GALR1: variants seen among roughly 807,000 people sequenced by gnomAD.
GALR1 encodes galanin receptor 1.
Under a neutral mutation model 17.9 loss-of-function variants are expected in GALR1, and 11 were observed. The observed-to-expected ratio is 0.62, with a 90% CI of 0.39 to 1.02. The LOEUF (loss-of-function observed/expected upper bound fraction) is 1.02, where lower values mean the gene tolerates loss of function less well. Among genes scored for constraint, GALR1 ranks in the 50% least tolerant of loss-of-function variants. The pLI is 0.01. For synonymous variants in GALR1, 206 were observed against 205.7 expected, an observed-to-expected ratio of 1.00 and a Z score of -0.01; for missense variants, 441 against 456.9, an observed-to-expected ratio of 0.97 and a Z score of 0.32.
At position 77,250,984 on chromosome 18, in the gene GALR1, C is replaced by T. The variant is rs1241994306; in HGVS notation, c.436C>T (p.Leu146Phe). ...CGTGCACTCGCGGCGCTCCTCCTCC[C>T]TCAGGGTGTCCCGCAACGCGCTGCT... ...AIVHSRRSSS[L>F]RVSRNALLGV... is the part of the protein sequence containing the mutation. The change falls in exon 1 of 3, where the codon CTC becomes TTC. Residue 146 changes from leucine to phenylalanine, a missense_variant. By Grantham distance (22) the Leu-to-Phe change is conservative. Coordinates refer to ENST00000299727, the MANE Select transcript of GALR1 (RefSeq NM_001480.4). 4 of 1,604,282 alleles carry T rather than the reference C, an allele frequency of 2.5e-6. No individual in the cohort carries two copies. Among genetic ancestry groups the T allele is most frequent in the Middle Eastern group, 1.6e-4 (1 of 6,084 alleles).
chr18:77,254,212 C>T (rs1035641226), intron 1 of GALR1, among the ~76,000 whole-genome samples: 10 of 152,236 alleles, frequency 6.6e-5, no homozygotes, highest in African/African-American at 1.4e-4. Context: ...TTATCACTCT[C>T]TTCTTAAACG....
At position 77,268,930 on chromosome 18, in the gene GALR1, G is replaced by A. The variant is rs1913005110; in HGVS notation, c.*28G>A. The A allele has an allele frequency of 6.5e-7, 1 of 1,537,066 alleles. No homozygotes were observed. The highest frequency in any genetic ancestry group is 9.0e-7 in the Non-Finnish European group (1 of 1,117,248). On this transcript the variant is annotated 3_prime_UTR_variant, in exon 3 of 3. Transcript: ENST00000299727. Reference sequence around the variant, plus strand: ...AAAGATAGAGTATCCTTATGGTTGAGTTTCCATATAAGTGGACCAGACACA... The same window carrying A: ...AAAGATAGAGTATCCTTATGGTTGAATTTCCATATAAGTGGACCAGACACA...
At position 77,268,825 on chromosome 18, in the gene GALR1, G is replaced by T; in HGVS notation, c.973G>T (p.Asp325Tyr). The change falls in exon 3 of 3, where the codon GAT becomes TAT. Residue 325 changes from aspartate to tyrosine, a missense_variant. Asp to Tyr is a radical substitution (Grantham distance 160). Coordinates refer to ENST00000299727, the MANE Select transcript of GALR1 (RefSeq NM_001480.4). ...AGTGTTCAAGTGTCACATTCGCAAA[G>T]ATTCACACCTGAGTGATACTAAAGA... ...KQVFKCHIRK[D>Y]SHLSDTKESK... 6.2e-7 allele frequency: 1 copy of T among 1,613,982 alleles called. No individual in the cohort carries two copies. The highest frequency in any genetic ancestry group is 8.5e-7 in the Non-Finnish European group (1 of 1,179,882).
At position 77,270,242 on chromosome 18, in the gene GALR1, G is replaced by A. The variant is rs947947005; in HGVS notation, c.*1340G>A. On this transcript the variant is annotated 3_prime_UTR_variant, in exon 3 of 3. Transcript: ENST00000299727. ...GTTAAAAAGGATTTGGCCAAGCACA[G>A]TGGCTCATGCCTGTAATTCCAGCAC... The A allele has an allele frequency of 8.5e-5, 13 of 152,182 alleles. No homozygotes were observed. The highest frequency in any genetic ancestry group is 2.4e-4 in the African/African-American group (10 of 41,446). The allele number at this position is 152,182 out of a possible 1,614,324, so 9.4% of individuals were successfully genotyped here.
chr18:77,270,841 T>C lies in GALR1; in HGVS notation c.*1939T>C, dbSNP rs1409411792. On this transcript the variant is annotated 3_prime_UTR_variant, in exon 3 of 3. Coordinates refer to ENST00000299727, the MANE Select transcript of GALR1 (RefSeq NM_001480.4). ...GTGTAAGTGAGGGTCTTAAAGAATA[T>C]GTCCTTTGCATCGAATGTTTTTTGC... 6.6e-6 allele frequency: 1 copy of C among 152,204 alleles called. No individual in the cohort carries two copies. The highest frequency in any genetic ancestry group is 2.4e-5 in the African/African-American group (1 of 41,460). The allele number at this position is 152,204 out of a possible 1,614,324, so 9.4% of individuals were successfully genotyped here. A position where few individuals can be genotyped will look rare whatever the true frequency, so the allele number is the denominator to read the frequency against.
At chr18:77,256,265 C>T (rs1912586000) in intron 2 of GALR1, 42 bp downstream of exon 2, 1 of 1,113,210 alleles carries the variant, frequency 9.0e-7, no homozygotes, top group Admixed American at 1.9e-5. Context: ...CTTTTCAGAG[C>T]TTAGTTTACC....
At chr18:77,254,658 C>T (rs953951848) in intron 1 of GALR1, among the ~76,000 whole-genome samples, 2 of 152,228 alleles carry the variant, frequency 1.3e-5, no homozygotes, top group Admixed American at 6.5e-5. Flanking sequence ...AGGGTCCTGC[C>T]TCCTCCAGCC....
intron 2 of GALR1, among the ~76,000 whole-genome samples, chr18:77,259,599 T>C (rs1912780836): frequency 6.6e-6 from 1 of 150,494 alleles, no homozygotes; most frequent in African/African-American, 2.5e-5. Flanking sequence ...GTGGCGATTG[T>C]GATGGTGATG....
Position 77,256,220 on chromosome 18 carries a change from A to G in GALR1, c.729A>G (p.Lys243=), listed in dbSNP as rs1457240464. The G allele has an allele frequency of 1.9e-6, 3 of 1,544,110 alleles. No individual in the cohort carries two copies. Among genetic ancestry groups the G allele is most frequent in the Admixed American group, 3.4e-5 (2 of 59,642 alleles). Residue 243 remains lysine (K), a synonymous_variant, in exon 2 of 3, where the codon AAA becomes AAG. Transcript: ENST00000299727. ...CAAAGAAGTCTGAAGCATCCAAGAAAAAGGTAATGATCACAAATATATATA... is the reference window on the plus strand; with the variant it reads ...CAAAGAAGTCTGAAGCATCCAAGAAGAAGGTAATGATCACAAATATATATA... ...NMSKKSEASK[K]KTAQTVLVVV...
At chr18:77,252,977 C>T (rs1568139208) in intron 1 of GALR1, among the ~76,000 whole-genome samples, 7 of 53,948 alleles carry the variant, frequency 1.3e-4, no homozygotes, top group East Asian at 4.5e-4. Flanking sequence ...ACCATCACCA[C>T]CATCACCACC....
At chr18:77,252,911 C>CCACCAT (rs1912472003) in intron 1 of GALR1, among the ~76,000 whole-genome samples, 1 of 44,928 alleles carries the variant, frequency 2.2e-5, no homozygotes, top group African/African-American at 7.8e-5. Flanking sequence ...ACCACCACCA[C>CCACCAT]CACCACCACC....
rs549038500 is a variant in GALR1, at chr18:77,274,726, A to G, written c.*5824A>G. On this transcript the variant is annotated 3_prime_UTR_variant, in exon 3 of 3. Transcript: ENST00000299727. ...GATTCTTACCTCCATTGGCCTTTGG[A>G]TGTCTGCGTAATAATTTGTTGAGAA... 6.6e-6 allele frequency: 1 copy of G among 152,154 alleles called. No individual in the cohort carries two copies. The highest frequency in any genetic ancestry group is 1.5e-5 in the Non-Finnish European group (1 of 68,026). 9.4% of individuals were successfully genotyped at this position (152,154 alleles called of 1,614,324 possible).
At position 77,270,833 on chromosome 18, in the gene GALR1, A is replaced by G. The variant is rs1318022642; in HGVS notation, c.*1931A>G. 1 of 152,188 alleles carries G rather than the reference A, an allele frequency of 6.6e-6. No individual in the cohort carries two copies. The highest frequency in any genetic ancestry group is 1.5e-5 in the Non-Finnish European group (1 of 68,038). 9.4% of individuals were successfully genotyped at this position (152,188 alleles called of 1,614,324 possible). A position where few individuals can be genotyped will look rare whatever the true frequency, so the allele number is the denominator to read the frequency against. On this transcript the variant is annotated 3_prime_UTR_variant, in exon 3 of 3. Coordinates refer to ENST00000299727, the MANE Select transcript of GALR1 (RefSeq NM_001480.4). ...GTGTTTATGTGTAAGTGAGGGTCTT[A>G]AAGAATATGTCCTTTGCATCGAATG...
At chr18:77,256,408 C>T (rs2717163) in intron 2 of GALR1, among the ~76,000 whole-genome samples, 185 bp downstream of exon 2, 17,237 of 151,926 alleles carry the variant, frequency 0.11, 2,148 homozygotes, top group African/African-American at 0.3. Context: ...GCAAGGGCAC[C>T]GTGGGTCACT....
rs1345948216 is a variant in GALR1, at chr18:77,276,085, G to A, written c.*7183G>A. On this transcript the variant is annotated 3_prime_UTR_variant, in exon 3 of 3. Coordinates refer to ENST00000299727, the MANE Select transcript of GALR1 (RefSeq NM_001480.4). Reference sequence around the variant, plus strand: ...ATATTTATAAGCCAGAAATGGTTGTGTAAATGTTAGTTTTCATATTTTGGT... The same window carrying A: ...ATATTTATAAGCCAGAAATGGTTGTATAAATGTTAGTTTTCATATTTTGGT... The A allele has an allele frequency of 1.3e-5, 2 of 152,166 alleles. No individual in the cohort carries two copies. The highest frequency in any genetic ancestry group is 2.4e-5 in the African/African-American group (1 of 41,424). The allele number at this position is 152,166 out of a possible 1,614,324, so 9.4% of individuals were successfully genotyped here.
chr18:77,257,321 A>G (rs34301566), intron 2 of GALR1, among the ~76,000 whole-genome samples: 6,379 of 152,304 alleles, frequency 0.042, 175 homozygotes, highest in Middle Eastern at 0.12. Flanking sequence ...TAGAAATGCA[A>G]TCATACAGTG....
chr18:77,276,952 A>G lies in GALR1; in HGVS notation c.*8050A>G, dbSNP rs1913169907. 6.6e-6 allele frequency: 1 copy of G among 152,202 alleles called. No homozygotes were observed. Among genetic ancestry groups the G allele is most frequent in the Non-Finnish European group, 1.5e-5 (1 of 68,036 alleles). 9.4% of individuals were successfully genotyped at this position (152,202 alleles called of 1,614,324 possible). A position where few individuals can be genotyped will look rare whatever the true frequency, so the allele number is the denominator to read the frequency against. On this transcript the variant is annotated 3_prime_UTR_variant, in exon 3 of 3. Transcript: ENST00000299727. Reference sequence around the variant, plus strand: ...AATAAAATAAAATAGCTTGGTGGAAAAGAGCACCTATGCATTCAATTTGTT... The same window carrying G: ...AATAAAATAAAATAGCTTGGTGGAAGAGAGCACCTATGCATTCAATTTGTT...
intron 2 of GALR1, among the ~76,000 whole-genome samples, chr18:77,263,205 T>G (rs904103858): frequency 9.2e-5 from 14 of 152,238 alleles, no homozygotes; most frequent in Non-Finnish European, 1.6e-4. Context: ...TAGATTGTTT[T>G]GATTAAATCA....
Position 77,276,212 on chromosome 18 carries a change from C to G in GALR1, c.*7310C>G, listed in dbSNP as rs1913155228. The G allele has an allele frequency of 6.6e-6, 1 of 152,134 alleles. No homozygotes were observed. The highest frequency in any genetic ancestry group is 1.5e-5 in the Non-Finnish European group (1 of 68,022). 9.4% of individuals were successfully genotyped at this position (152,134 alleles called of 1,614,324 possible). A position where few individuals can be genotyped will look rare whatever the true frequency, so the allele number is the denominator to read the frequency against. On this transcript the variant is annotated 3_prime_UTR_variant, in exon 3 of 3. Transcript: ENST00000299727. ...TACAATTGAACAAATCTTTTAATCT[C>G]TTCAGTTCTATCTGCCTAAGTGAGG...
Sources: gnomAD v4.1 joint callset for allele counts (sites outside exome capture counted in the v4.1 genomes callset) on GRCh38, gnomAD v4.1.1 for gene constraint, MANE v1.5 for transcripts, NCBI Gene and HGNC (gene_info 2026-07-23, HGNC 2026-07-21) for gene names.